UBXN8: variants seen among roughly 807,000 people sequenced by gnomAD.
The protein encoded by UBXN8 is UBX domain-containing protein 8.
UBXN8 carries 27 observed loss-of-function variants against 32.1 expected under a neutral mutation model. The observed-to-expected ratio is 0.84, with a 90% confidence interval of 0.62 to 1.16. The LOEUF (loss-of-function observed/expected upper bound fraction) is 1.16, where lower values mean the gene tolerates loss of function less well. UBXN8 is among the 50% of genes most tolerant of loss of function. The probability of loss-of-function intolerance (pLI) is 0.00; values close to 1 mark genes in which losing one functional copy is unlikely to be tolerated. For synonymous variants in UBXN8, 109 were observed against 111.8 expected, an observed-to-expected ratio of 0.98 and a Z score of 0.16; for missense variants, 306 against 311.4, an observed-to-expected ratio of 0.98 and a Z score of 0.13.
chr8:30,751,345 C>T (rs1402269813), intron 1 of UBXN8, 51 bp from the exon 2 acceptor site: 5 of 1,485,540 alleles, frequency 3.4e-6, no homozygotes, highest in Non-Finnish European at 3.6e-6. Context: ...GAGACCTCAT[C>T]TCTTAAAAAA....
chr8:30,764,202 T>A (rs1224870184), intron 7 of UBXN8, among the ~76,000 whole-genome samples: 1 of 152,254 alleles, frequency 6.6e-6, no homozygotes, highest in Non-Finnish European at 1.5e-5. Flanking sequence ...GTTTGTTGTA[T>A]TTAACCTTCA....
At chr8:30,760,691 G>A (rs1805811135) in intron 5 of UBXN8, among the ~76,000 whole-genome samples, 197 bp from the exon 6 acceptor site, 1 of 151,744 alleles carries the variant, frequency 6.6e-6, no homozygotes, top group South Asian at 2.1e-4. Flanking sequence ...CTATTTTTAT[G>A]ATTAATTTTT....
chr8:30,749,617 T>C (rs1805465710), intron 1 of UBXN8, among the ~76,000 whole-genome samples: 3 of 150,006 alleles, frequency 2.0e-5, no homozygotes, highest in South Asian at 4.2e-4. Flanking sequence ...TCTTTTTTTT[T>C]TTTTTTGAGA....
chr8:30,741,254 CAT>C, upstream of UBXN8, among the ~76,000 whole-genome samples: 1 of 152,132 alleles, frequency 6.6e-6, no homozygotes, highest in South Asian at 2.1e-4. Context: ...GGCATGGTGA[CAT>C]GTGCCTGCAG....
At chr8:30,743,676 G>C (rs1805268957), upstream of UBXN8, among the ~76,000 whole-genome samples, 1 of 152,204 alleles carries the variant, frequency 6.6e-6, no homozygotes, top group African/African-American at 2.4e-5. Flanking sequence ...CAGGTATTTG[G>C]AGCCAGGCCC....
chr8:30,751,115 A>G (rs930192258), intron 1 of UBXN8, among the ~76,000 whole-genome samples: 2 of 152,206 alleles, frequency 1.3e-5, no homozygotes, highest in Non-Finnish European at 2.9e-5. Context: ...ATACTGAGGG[A>G]TGACTATTAT....
In UBXN8 at chr8:30,766,291, T is replaced by C. The variant is rs1223562035; in HGVS notation, c.710T>C (p.Phe237Ser). Residue 237 changes from phenylalanine (F) to serine (S), a missense_variant, in exon 8 of 8, where the codon TTT (phenylalanine) becomes TCT (serine). Transcript: ENST00000265616. ...TCTCTATACAGCCTTTCTACTTCCTTTCCCAGACGGCCTCTGGCAGTGGAG... is the reference window on the plus strand; with the variant it reads ...TCTCTATACAGCCTTTCTACTTCCTCTCCCAGACGGCCTCTGGCAGTGGAG... ...HISLYSLSTS[F>S]PRRPLAVEGG... The C allele has an allele frequency of 3.1e-6, 5 of 1,613,850 alleles. No individual in the cohort carries two copies. Among genetic ancestry groups the C allele is most frequent in the South Asian group, 1.1e-5 (1 of 91,066 alleles).
chr8:30,738,455 C>T lies in UBXN8; in HGVS notation c.622+5147C>T, dbSNP rs550831861. ...CGGGCGGATCACAAGGTTAGGAGCT[C>T]GAGACCATCCTGGCTAACATGGTGA... On this transcript the variant is annotated intron_variant, in intron 1 of 1. Coordinates refer to the UBXN8 transcript ENST00000522968. Among the ~76,000 whole-genome samples the T allele has an allele frequency of 8.8e-4, 133 of 150,808 alleles. 1 individual carries two copies. In the South Asian group the frequency reaches 0.011, roughly 12 times the overall value.
chr8:30,760,435 A>ATTT (rs199591642), intron 5 of UBXN8, among the ~76,000 whole-genome samples: 441 of 42,258 alleles, frequency 0.01, 4 homozygotes, highest in African/African-American at 0.044. Context: ...ATATATATAT[A>ATTT]TATATATATT....
chr8:30,753,255 T>A, intron 3 of UBXN8, 150 bp downstream of exon 3: 1 of 1,224,718 alleles, frequency 8.2e-7, no homozygotes, highest in Non-Finnish European at 1.0e-6. Context: ...TTGACCATTT[T>A]ATTTTACTTA....
intron 7 of UBXN8, among the ~76,000 whole-genome samples, chr8:30,764,461 C>T (rs565496408): frequency 5.9e-5 from 9 of 152,250 alleles, no homozygotes; most frequent in East Asian, 1.9e-4. Context: ...TGACCCACCA[C>T]GACCAGCCCA....
At chr8:30,755,881 A>C (rs1347639158) in intron 4 of UBXN8, among the ~76,000 whole-genome samples, 1 of 151,774 alleles carries the variant, frequency 6.6e-6, no homozygotes, top group Non-Finnish European at 1.5e-5. Flanking sequence ...TCAAGTCAAG[A>C]TCTCCAAGGT....
intron 3 of UBXN8, among the ~76,000 whole-genome samples, chr8:30,753,325 C>T (rs973888635): frequency 2.6e-5 from 4 of 152,106 alleles, no homozygotes; most frequent in Non-Finnish European, 4.4e-5. Flanking sequence ...GGCGAAATCT[C>T]GGCTCACTGC....
At chr8:30,744,877 G>T (rs562425294) in intron 1 of UBXN8, among the ~76,000 whole-genome samples, 1 of 152,318 alleles carries the variant, frequency 6.6e-6, no homozygotes, top group South Asian at 2.1e-4. Flanking sequence ...ATCAAGGAGA[G>T]TTGGGAGGAG....
At chr8:30,758,807 T>C (rs1304050222) in intron 5 of UBXN8, among the ~76,000 whole-genome samples, 1 of 151,966 alleles carries the variant, frequency 6.6e-6, no homozygotes, top group Non-Finnish European at 1.5e-5. Flanking sequence ...TTAGATTAAA[T>C]GTTATAAAAT....
intron 1 of UBXN8, chr8:30,734,392 A>C (rs1805031142): frequency 1.3e-5 from 2 of 151,958 alleles, no homozygotes; most frequent in South Asian, 4.2e-4. Flanking sequence ...CTGAGGCAGG[A>C]AGACCCCTTA....
intron 5 of UBXN8, among the ~76,000 whole-genome samples, chr8:30,760,433 A>ATTT (rs1298431012): frequency 9.1e-4 from 36 of 39,592 alleles, no homozygotes; most frequent in African/African-American, 4.5e-3. Flanking sequence ...ATATATATAT[A>ATTT]TATATATATA....
At chr8:30,735,654 C>A (rs756411326) in intron 1 of UBXN8, among the ~76,000 whole-genome samples, 1 of 152,160 alleles carries the variant, frequency 6.6e-6, no homozygotes, top group Non-Finnish European at 1.5e-5. Context: ...GCCTGACCAA[C>A]ATGGTGAAAC....
chr8:30,729,934 T>G (rs950946723), upstream of UBXN8, among the ~76,000 whole-genome samples: 2 of 151,930 alleles, frequency 1.3e-5, no homozygotes, highest in African/African-American at 4.8e-5. Flanking sequence ...AAGGGACAGA[T>G]AGTCAAGGAA....
Sources: gnomAD v4.1 joint callset for allele counts (sites outside exome capture counted in the v4.1 genomes callset) on GRCh38, gnomAD v4.1.1 for gene constraint, MANE v1.5 for transcripts, NCBI Gene and HGNC (gene_info 2026-07-23, HGNC 2026-07-21) for gene names.